The following ARHGEF3 variants were observed in gnomAD, a reference collection of about 807,000 sequenced individuals.
ARHGEF3 encodes the protein Rho guanine nucleotide exchange factor 3, also known as 59.8 kDA protein.
Under a neutral mutation model 63.2 loss-of-function variants are expected in ARHGEF3, and 28 were observed. That is an observed-to-expected ratio of 0.44 (90% CI 0.33 to 0.61). The LOEUF (loss-of-function observed/expected upper bound fraction) is 0.61, where lower values mean the gene tolerates loss of function less well. Ranked by LOEUF, ARHGEF3 falls within the 20% of genes least tolerant of loss-of-function variation. ARHGEF3 has a pLI of 0.03. For synonymous variants in ARHGEF3, 266 were observed against 254.2 expected, an observed-to-expected ratio of 1.05 and a Z score of -0.44; for missense variants, 533 against 659.3, an observed-to-expected ratio of 0.81 and a Z score of 2.10.
At chr3:56,823,601 G>T (rs1365142134) in intron 4 of ARHGEF3, among the ~76,000 whole-genome samples, 1 of 152,100 alleles carries the variant, frequency 6.6e-6, no homozygotes. Context: ...ACAGATGGGA[G>T]GTTATCTTGA....
At position 56,729,381 on chromosome 3, in the gene ARHGEF3, G is replaced by A; in HGVS notation, c.1470C>T (p.Asp490=). 4 of 1,614,082 alleles carry A rather than the reference G, an allele frequency of 2.5e-6. No individual in the cohort carries two copies. The highest frequency in any genetic ancestry group is 1.3e-5 in the African/African-American group (1 of 75,000). The change falls in exon 10 of 10, where the codon GAC becomes GAT. Residue 490 remains aspartate (D), a synonymous_variant. Coordinates refer to ENST00000296315, the MANE Select transcript of ARHGEF3 (RefSeq NM_019555.3). ...TGTCCATACTACAGTCTGACTCACT[G>A]TCCGATTGGTCCATCTGCTCAAGTT... The part of the protein sequence containing the change: ...ETKLEQMDQS[D]SESDCSMDTS...
chr3:56,730,954 C>A (rs1390979605), intron 9 of ARHGEF3, among the ~76,000 whole-genome samples: 1 of 152,200 alleles, frequency 6.6e-6, no homozygotes, highest in Non-Finnish European at 1.5e-5. Context: ...TACCTTAAAT[C>A]CTCTGTATCT....
At chr3:57,000,738 G>T (rs915997731) in intron 2 of ARHGEF3, among the ~76,000 whole-genome samples, 4 of 152,088 alleles carry the variant, frequency 2.6e-5, no homozygotes, top group African/African-American at 9.7e-5. Context: ...TCGCCATGTT[G>T]GCCAGGCTGG....
intron 3 of ARHGEF3, among the ~76,000 whole-genome samples, chr3:56,899,475 A>G (rs1439743096): frequency 6.6e-6 from 1 of 152,208 alleles, no homozygotes; most frequent in East Asian, 1.9e-4. Flanking sequence ...AGGCTCAGAC[A>G]ATAGCACCTA....
intron 2 of ARHGEF3, among the ~76,000 whole-genome samples, chr3:56,970,327 G>A (rs1211166518): frequency 3.9e-5 from 6 of 152,120 alleles, no homozygotes; most frequent in African/African-American, 1.4e-4. Flanking sequence ...AAATCCACAC[G>A]GAATAATGAT....
chr3:57,019,032 G>A (rs928515990), intron 2 of ARHGEF3, among the ~76,000 whole-genome samples: 16 of 152,120 alleles, frequency 1.1e-4, no homozygotes, highest in African/African-American at 3.4e-4. Flanking sequence ...GAGAATGACC[G>A]AGTCCAATGT....
chr3:56,979,034 T>A (rs567414495), intron 2 of ARHGEF3, among the ~76,000 whole-genome samples: 2 of 152,338 alleles, frequency 1.3e-5, no homozygotes, highest in East Asian at 3.9e-4. Context: ...CATGCACCTG[T>A]AGTCCCAACT....
At chr3:56,961,205 C>T (rs1432582181) in intron 2 of ARHGEF3, among the ~76,000 whole-genome samples, 1 of 152,042 alleles carries the variant, frequency 6.6e-6, no homozygotes, top group Non-Finnish European at 1.5e-5. Flanking sequence ...ACATTTTATA[C>T]ACAATATATT....
chr3:56,808,643 A>AT (rs11418209), intron 4 of ARHGEF3, among the ~76,000 whole-genome samples: 36,121 of 152,062 alleles, frequency 0.24, 7,004 homozygotes, highest in African/African-American at 0.54. Context: ...AAATTAGCAA[A>AT]TTTTTTTGTT....
chr3:56,994,083 A>AAAAAAAAAAAAAAAAAAC (rs1319930684), intron 2 of ARHGEF3, among the ~76,000 whole-genome samples: 1 of 146,058 alleles, frequency 6.8e-6, no homozygotes, highest in African/African-American at 2.5e-5. Context: ...AAAAAAAAAA[A>AAAAAAAAAAAAAAAAAAC]AAGCACACTG....
At chr3:56,996,135 A>T (rs1701979368) in intron 2 of ARHGEF3, among the ~76,000 whole-genome samples, 1 of 151,966 alleles carries the variant, frequency 6.6e-6, no homozygotes, top group Admixed American at 6.6e-5. Context: ...AGAGACTGGG[A>T]CTCACCAACT....
Position 57,024,510 on chromosome 3 carries a change from C to T in ARHGEF3, c.62+10578G>A, listed in dbSNP as rs112925724. On this transcript the variant is annotated intron_variant, in intron 2 of 12. Transcript: ENST00000338458. ...ATTTTGTTTTTTTCTTTTTTTGAGACGGAATCTCGCTCTGTCGCCCAGGCT... is the reference window on the plus strand; with the variant it reads ...ATTTTGTTTTTTTCTTTTTTTGAGATGGAATCTCGCTCTGTCGCCCAGGCT... 5.8e-3 allele frequency among the ~76,000 whole-genome samples: 878 copies of T among 151,654 alleles called. 18 individuals are homozygous for T. Among genetic ancestry groups the T allele is most frequent in the African/African-American group, 0.02 (827 of 41,348 alleles).
At chr3:56,984,454 G>T (rs369121409) in intron 2 of ARHGEF3, among the ~76,000 whole-genome samples, 1 of 152,054 alleles carries the variant, frequency 6.6e-6, no homozygotes, top group African/African-American at 2.4e-5. Context: ...GGAAGGGAGG[G>T]AGGTGGACAA....
At chr3:57,048,037 T>C (rs1247805987) in intron 1 of ARHGEF3, among the ~76,000 whole-genome samples, 1 of 152,082 alleles carries the variant, frequency 6.6e-6, no homozygotes, top group Non-Finnish European at 1.5e-5. Context: ...TAGTAACCCT[T>C]GGATGAGCCT....
At chr3:57,053,825 T>A (rs2107314124) in intron 1 of ARHGEF3, among the ~76,000 whole-genome samples, 1 of 152,380 alleles carries the variant, frequency 6.6e-6, no homozygotes, top group Middle Eastern at 3.4e-3. Context: ...CGTTGTGGCA[T>A]GCAGCAGTGG....
chr3:56,873,971 A>C (rs2040510650), intron 4 of ARHGEF3, among the ~76,000 whole-genome samples: 2 of 152,200 alleles, frequency 1.3e-5, no homozygotes. Context: ...TTCATATCCG[A>C]GAGTGTGTCC....
chr3:56,887,687 T>C (rs1280997621), intron 3 of ARHGEF3, among the ~76,000 whole-genome samples: 1 of 152,212 alleles, frequency 6.6e-6, no homozygotes, highest in African/African-American at 2.4e-5. Context: ...CCCAGCCAAT[T>C]TGAGGAGCCA....
intron 2 of ARHGEF3, among the ~76,000 whole-genome samples, chr3:57,033,556 AGAAAG>A (rs372083608): frequency 2.1e-3 from 317 of 152,310 alleles, no homozygotes; most frequent in African/African-American, 7.4e-3. Flanking sequence ...AAAAAAAGGA[AGAAAG>A]GAAAGAGTGA....
intron 4 of ARHGEF3, among the ~76,000 whole-genome samples, chr3:56,879,399 A>G (rs939409188): frequency 6.6e-6 from 1 of 152,168 alleles, no homozygotes; most frequent in Non-Finnish European, 1.5e-5. Context: ...AGGCGAGTTC[A>G]CTGTTTTGTT....
Sources: allele counts gnomAD v4.1 joint callset (sites outside exome capture counted in the v4.1 genomes callset), GRCh38; gene constraint gnomAD v4.1.1; transcripts MANE v1.5; gene names NCBI Gene and HGNC (gene_info 2026-07-23, HGNC 2026-07-21).